The following PIGV variants were observed in gnomAD, a reference collection of about 807,000 sequenced individuals.
The protein encoded by PIGV is GPI alpha-1,6-mannosyltransferase 2.
In PIGV, 27 loss-of-function variants were observed where a neutral mutation model predicts 39.2. That is an observed-to-expected ratio of 0.69 (90% CI 0.51 to 0.95). The LOEUF is 0.95. Among genes scored for constraint, PIGV ranks in the 40% least tolerant of loss-of-function variants. PIGV has a pLI of 0.00. For missense variants in PIGV, 523 were observed against 586.4 expected, an observed-to-expected ratio of 0.89 and a Z score of 1.12; for synonymous variants, 232 against 241.7, an observed-to-expected ratio of 0.96 and a Z score of 0.37.
rs981511331 is a variant in PIGV, at chr1:26,799,521, A to G, written c.*1677A>G. Among the ~76,000 whole-genome samples the G allele has an allele frequency of 4.6e-5, 7 of 152,190 alleles. No homozygotes were observed. Among genetic ancestry groups the G allele is most frequent in the Non-Finnish European group, 8.8e-5 (6 of 68,026 alleles). ...CTCTTCAAAACAGATGGGTAATCAT[A>G]AGCAGCTTCTGGAAAGCCTCAAGAA... On this transcript the variant is annotated 3_prime_UTR_variant, in exon 4 of 4. Coordinates refer to ENST00000674202, the MANE Select transcript of PIGV (RefSeq NM_017837.4).
Position 26,790,023 on chromosome 1 carries a change from A to T in PIGV, c.-57-736A>T, listed in dbSNP as rs1050320673. ...ACGTTGCTACCATCCCAACAAAGAG[A>T]TGGCAAATAACAGTTTTCTCCATCC... On this transcript the variant is annotated intron_variant, in intron 1 of 3. Transcript: ENST00000674202. 3.3e-5 allele frequency among the ~76,000 whole-genome samples: 5 copies of T among 152,204 alleles called. No individual in the cohort carries two copies. In the East Asian group the frequency reaches 9.6e-4, roughly 29 times the overall value.
rs2081348208 is a variant in PIGV at position 26,794,173 on chromosome 1, GC to G, written c.144del (p.Ser49GlnfsTer54). 6.2e-7 allele frequency: 1 copy of G among 1,613,978 alleles called. No homozygotes were observed. Among genetic ancestry groups the G allele is most frequent in the African/African-American group, 1.3e-5 (1 of 74,894 alleles). ...AGAAGCCTTCTCTCCTCCTCGCCTG[GC>G]CCCCTCAGGCTTTGTGGACCAACTC... Reference protein sequence around the residue: ...HAEAFSPPRLAPSGFVDQLVE... With the variant: ...HAEAFSPPRLXPSGFVDQLVE... On this transcript the variant is annotated frameshift_variant, in exon 3 of 4. Transcript: ENST00000674202. LOFTEE classifies it high-confidence loss of function.
rs1180170223 is a variant in PIGV, at chr1:26,798,921, T to C, written c.*1077T>C. On this transcript the variant is annotated 3_prime_UTR_variant, in exon 4 of 4. Transcript: ENST00000674202. Reference sequence around the variant, plus strand: ...ACCTTAGTTACCACCTCTGAAACCATGGGAAATGATGATATTCTTCAGGGG... The same window carrying C: ...ACCTTAGTTACCACCTCTGAAACCACGGGAAATGATGATATTCTTCAGGGG... Among the ~76,000 whole-genome samples, 1 of 152,132 alleles carries C rather than the reference T, an allele frequency of 6.6e-6. No homozygotes were observed. Among genetic ancestry groups the C allele is most frequent in the Non-Finnish European group, 1.5e-5 (1 of 68,010 alleles).
intron 3 of PIGV, among the ~76,000 whole-genome samples, 159 bp downstream of exon 3, chr1:26,795,393 A>G (rs946309483): frequency 6.6e-6 from 1 of 152,186 alleles, no homozygotes; most frequent in Non-Finnish European, 1.5e-5. Context: ...ACTCTGGGTC[A>G]GACCTCTAAG....
chr1:26,791,504 G>T (rs1570637552), intron 2 of PIGV, among the ~76,000 whole-genome samples: 1 of 152,134 alleles, frequency 6.6e-6, no homozygotes, highest in African/African-American at 2.4e-5. Context: ...ATTATTTGCT[G>T]CCTAGCACAG....
At chr1:26,791,723 T>C (rs2081311969) in intron 2 of PIGV, among the ~76,000 whole-genome samples, 1 of 152,220 alleles carries the variant, frequency 6.6e-6, no homozygotes, top group Admixed American at 6.5e-5. Context: ...GTTTCGAGAT[T>C]AGTTAAACGT....
chr1:26,790,840 A>G lies in PIGV; in HGVS notation c.25A>G (p.Lys9Glu), dbSNP rs1300582712. MWPQDPSRKEVLRFAVSCR... is the reference protein window; with the variant it reads MWPQDPSREEVLRFAVSCR... Reference sequence around the variant, plus strand: ...GATGTGGCCCCAGGACCCATCCCGGAAGGAGGTGCTGAGGTTTGCAGTCAG... The same window carrying G: ...GATGTGGCCCCAGGACCCATCCCGGGAGGAGGTGCTGAGGTTTGCAGTCAG... The change falls in exon 2 of 4, where the codon AAG becomes GAG. Residue 9 changes from lysine (K) to glutamate (E), a missense_variant. By Grantham distance (56) the Lys-to-Glu change is moderately conservative. Coordinates refer to ENST00000674202, the MANE Select transcript of PIGV (RefSeq NM_017837.4). 1 of 1,614,120 alleles carries G rather than the reference A, an allele frequency of 6.2e-7. No homozygotes were observed. The highest frequency in any genetic ancestry group is 8.5e-7 in the Non-Finnish European group (1 of 1,179,984).
Position 26,797,732 on chromosome 1 carries a change from T to C in PIGV, c.1370T>C (p.Leu457Pro). Residue 457 changes from leucine to proline, a missense_variant, in exon 4 of 4, where the codon CTT becomes CCT. Coordinates refer to ENST00000674202, the MANE Select transcript of PIGV (RefSeq NM_017837.4). The stretch of plus-strand genomic sequence containing the variant: ...GTCCCCAGAAATCCTATCATGGGAC[T>C]TTTGTATCACTGGAAAACCTGTTCT... ...QKVPRNPIMG[L>P]LYHWKTCSPV... The C allele has an allele frequency of 6.2e-7, 1 of 1,614,142 alleles. No individual in the cohort carries two copies. Among genetic ancestry groups the C allele is most frequent in the Non-Finnish European group, 8.5e-7 (1 of 1,179,974 alleles).
chr1:26,794,689 CA>C lies in PIGV; in HGVS notation c.657del (p.Gly220AlafsTer6). ...TGGCTTCCTCATGCATTCTCAATGC[CA>C]AGGCTTTTTCTCTTCTCTAACGATG... The part of the protein sequence containing the change: ...SVGFLMHSQC[Q>X]GFFSSLTMLN... On this transcript the variant is annotated frameshift_variant, in exon 3 of 4. Coordinates refer to ENST00000674202, the MANE Select transcript of PIGV (RefSeq NM_017837.4). LOFTEE classifies it high-confidence loss of function. 1 of 1,614,180 alleles carries C rather than the reference CA, an allele frequency of 6.2e-7. No individual in the cohort carries two copies. The highest frequency in any genetic ancestry group is 8.5e-7 in the Non-Finnish European group (1 of 1,180,034).
intron 3 of PIGV, among the ~76,000 whole-genome samples, chr1:26,796,751 T>C (rs1461169317): frequency 6.6e-6 from 1 of 152,238 alleles, no homozygotes; most frequent in African/African-American, 2.4e-5. Flanking sequence ...TATTGGTTTC[T>C]TGACTGTTGA....
chr1:26,795,709 CAAAAAAAAA>C (rs1005170504), intron 3 of PIGV, among the ~76,000 whole-genome samples: 2 of 27,844 alleles, frequency 7.2e-5, no homozygotes, highest in Non-Finnish European at 1.3e-4. Flanking sequence ...GACTCTATCT[CAAAAAAAAA>C]AAAAAAAAAA....
At chr1:26,790,917 G>T in intron 2 of PIGV, 24 bp downstream of exon 2, 1 of 1,591,482 alleles carries the variant, frequency 6.3e-7, no homozygotes, top group South Asian at 1.1e-5. Flanking sequence ...CCTTTGTCCT[G>T]AATGTGCTAT....
rs1358010867 is a variant in PIGV at position 26,795,012 on chromosome 1, C to T, written c.978C>T (p.Pro326=). The T allele has an allele frequency of 6.2e-7, 1 of 1,614,054 alleles. No individual in the cohort carries two copies. The highest frequency in any genetic ancestry group is 1.7e-5 in the Admixed American group (1 of 60,000). ...FLKYYELKQV[P]NFLLAAPVAI... is the part of the protein sequence containing the mutation. ...AATACTATGAGCTCAAGCAGGTGCC[C>T]AATTTTCTACTGGCTGCACCAGTGG... The change falls in exon 3 of 4, where the codon CCC becomes CCT. Residue 326 remains proline, a synonymous_variant. Coordinates refer to ENST00000674202, the MANE Select transcript of PIGV (RefSeq NM_017837.4).
In PIGV at chr1:26,800,434, T is replaced by C. The variant is rs952749326; in HGVS notation, c.*2590T>C. On this transcript the variant is annotated 3_prime_UTR_variant, in exon 4 of 4. Transcript: ENST00000674202. The stretch of plus-strand genomic sequence containing the variant: ...AGAAACCAGACGCCTCAGCCTCACG[T>C]ACCTAGAAGTAGATGCTTTTTTTTG... Among the ~76,000 whole-genome samples the C allele has an allele frequency of 5.3e-5, 8 of 152,174 alleles. No homozygotes were observed. The highest frequency in any genetic ancestry group is 1.2e-4 in the Non-Finnish European group (8 of 68,022).
At chr1:26,787,843 A>G (rs2081255566), upstream of PIGV, 2 of 152,104 alleles carry the variant, frequency 1.3e-5, no homozygotes, top group South Asian at 4.1e-4. Context: ...CCGAGCGGCG[A>G]CCCCCATCCC....
In PIGV at chr1:26,795,132, C is replaced by T. The variant is rs1432176478; in HGVS notation, c.1098C>T (p.Thr366=). The change falls in exon 3 of 4, where the codon ACC becomes ACT. Residue 366 remains threonine (T), a synonymous_variant. Transcript: ENST00000674202. ...LGLQRSKNNK[T]LEKPDLGFLS... is the part of the protein sequence containing the mutation. ...TGCAAAGGAGCAAGAACAATAAGAC[C>T]CTAGAGAAGCCCGATCTTGGATTCC... 1.9e-6 allele frequency: 3 copies of T among 1,613,962 alleles called. No individual in the cohort carries two copies. The highest frequency in any genetic ancestry group is 2.5e-6 in the Non-Finnish European group (3 of 1,180,014).
rs753227048 is a variant in PIGV at position 26,790,778 on chromosome 1, C to T, written c.-38C>T. On this transcript the variant is annotated 5_prime_UTR_variant, in exon 2 of 4. Coordinates refer to ENST00000674202, the MANE Select transcript of PIGV (RefSeq NM_017837.4). ...GTTTAGAGGCCTGAGGGAGCTCAAT[C>T]CTGGTAGCAACACCCCTGAATTCCT... is the stretch of plus-strand genomic sequence containing the variant. 3 of 1,557,948 alleles carry T rather than the reference C, an allele frequency of 1.9e-6. No homozygotes were observed. Among genetic ancestry groups the T allele is most frequent in the Admixed American group, 1.7e-5 (1 of 59,928 alleles).
rs767296371 is a variant in PIGV at position 26,797,563 on chromosome 1, G to A, written c.1201G>A (p.Val401Ile). 1 of 1,613,744 alleles carries A rather than the reference G, an allele frequency of 6.2e-7. No individual in the cohort carries two copies. Among genetic ancestry groups the A allele is most frequent in the East Asian group, 2.2e-5 (1 of 44,882 alleles). Residue 401 changes from valine (V) to isoleucine (I), a missense_variant and splice_region_variant, in exon 4 of 4, where the codon GTT (valine) becomes ATT (isoleucine). Transcript: ENST00000674202. ...GATATTCCCCTCTCATGATTTCTAG[G>A]TTCTCACCAGGTTTTTGGGCTCCTC... ...LFGGLCMHVQ[V>I]LTRFLGSSTP...
chr1:26,790,028 A>T (rs890263564), intron 1 of PIGV, among the ~76,000 whole-genome samples: 10 of 152,234 alleles, frequency 6.6e-5, no homozygotes, highest in African/African-American at 2.2e-4. Flanking sequence ...AAGAGATGGC[A>T]AATAACAGTT....
Sources: allele counts gnomAD v4.1 joint callset (sites outside exome capture counted in the v4.1 genomes callset), GRCh38; gene constraint gnomAD v4.1.1; transcripts MANE v1.5; gene names NCBI Gene and HGNC (gene_info 2026-07-23, HGNC 2026-07-21).